TMEM253: variants seen among roughly 807,000 people sequenced by gnomAD.
The protein encoded by TMEM253 is transmembrane protein 253.
A neutral mutation model predicts 20.3 loss-of-function variants in TMEM253; 22 were observed. That is an observed-to-expected ratio of 1.08 (90% CI 0.78 to 1.55). The LOEUF (loss-of-function observed/expected upper bound fraction) is 1.55. TMEM253 is among the 40% of genes most tolerant of loss of function. The pLI is 0.00. For synonymous variants in TMEM253, 92 were observed against 102.6 expected (o/e 0.90, Z 0.62); for missense variants, 251 against 266.1 (o/e 0.94, Z 0.39).
exon 7 of TMEM253, chr14:21,103,565 A>C: frequency 3.3e-6 from 1 of 307,578 alleles, no homozygotes; most frequent in Non-Finnish European, 6.1e-6. Context: ...TCCACTCCAA[A>C]TCCCGGACCC....
exon 3 of TMEM253, chr14:21,101,921 C>G: frequency 6.4e-7 from 1 of 1,551,644 alleles, no homozygotes. Context: ...CAGTCGCCTG[C>G]CTGAACTCTG....
At chr14:21,102,156 T>C in intron 4 of TMEM253, 36 bp downstream of exon 4, 8 of 1,535,262 alleles carry the variant, frequency 5.2e-6, no homozygotes, top group Non-Finnish European at 7.0e-6. Context: ...GTCCTCCCAC[T>C]CCCTAAAACA....
chr14:21,102,761 C>G, exon 6 of TMEM253: 3 of 1,550,446 alleles, frequency 1.9e-6, no homozygotes, highest in Non-Finnish European at 2.6e-6. Context: ...AGAGTCTGCA[C>G]TATCAAGAGC....
At chr14:21,103,372 GC>G (rs1279628603) in exon 7 of TMEM253, 2 of 1,443,334 alleles carry the variant, frequency 1.4e-6, no homozygotes, top group African/African-American at 1.4e-5. Flanking sequence ...CTCAAAGCAG[GC>G]CCTTTTTTCG....
chr14:21,103,412 T>C, exon 7 of TMEM253: 3 of 1,264,612 alleles, frequency 2.4e-6, no homozygotes, highest in South Asian at 3.1e-5. Context: ...AAGATACACC[T>C]GGACGAGAAT....
chr14:21,100,369 T>TATAATAATAATAATAATA (rs3061999), upstream of TMEM253, among the ~76,000 whole-genome samples: 17 of 149,324 alleles, frequency 1.1e-4, no homozygotes, highest in Non-Finnish European at 1.9e-4. Context: ...GTCTCAATAA[T>TATAATAATAATAATAATA]ATAATAATAA....
chr14:21,103,303 A>T, exon 7 of TMEM253: 1 of 1,533,866 alleles, frequency 6.5e-7, no homozygotes, highest in Non-Finnish European at 8.8e-7. Context: ...CACCAAACTC[A>T]GAAGCTTGCT....
chr14:21,101,249 G>A, intron 1 of TMEM253, 59 bp from the exon 2 acceptor site: 1 of 1,159,322 alleles, frequency 8.6e-7, no homozygotes, highest in South Asian at 1.4e-5. Flanking sequence ...GTAGCTGAAA[G>A]ATACGTTGTT....
exon 6 of TMEM253, chr14:21,102,652 T>C (rs1257317911): frequency 1.3e-6 from 2 of 1,551,528 alleles, no homozygotes; most frequent in Admixed American, 3.9e-5. Flanking sequence ...TTGCTGGTGC[T>C]GGAACTCAGT....
intron 3 of TMEM253, 39 bp from the exon 4 acceptor site, chr14:21,102,025 C>A: frequency 6.4e-7 from 1 of 1,550,554 alleles, no homozygotes; most frequent in South Asian, 1.2e-5. Flanking sequence ...CCCTTCCTAA[C>A]GGGACCAGAG....
chr14:21,102,837 C>G, intron 6 of TMEM253, 58 bp downstream of exon 6: 1 of 1,526,318 alleles, frequency 6.6e-7, no homozygotes, highest in Non-Finnish European at 8.8e-7. Flanking sequence ...TTTCCACTGC[C>G]TATCCTGGTC....
chr14:21,102,114 T>C (rs745696), exon 4 of TMEM253: 1,063,451 of 1,550,272 alleles, frequency 0.69, 367,311 homozygotes, highest in African/African-American at 0.76. Context: ...CACCCCGCCT[T>C]TGGAAGGTGA....
At position 21,101,351 on chromosome 14, in the gene TMEM253, A is replaced by G; in HGVS notation, c.8A>G (p.Asp3Gly). 5.2e-6 allele frequency: 8 copies of G among 1,551,582 alleles called. No homozygotes were observed. The highest frequency in any genetic ancestry group is 7.0e-6 in the Non-Finnish European group (8 of 1,146,918). The stretch of plus-strand genomic sequence containing the variant: ...CTTGTGGGCAAAGGAGCCATGGAAG[A>G]TAGAGCTGGTGAGCAAGAGCAGGAG... The change falls in exon 2 of 7, where the codon GAT becomes GGT. Residue 3 changes from aspartate (D) to glycine (G), a missense_variant. Coordinates refer to ENST00000556585, the Ensembl canonical transcript of TMEM253.
At chr14:21,099,356 A>G (rs2139336942), upstream of TMEM253, among the ~76,000 whole-genome samples, 1 of 152,364 alleles carries the variant, frequency 6.6e-6, no homozygotes, top group Admixed American at 6.5e-5. Flanking sequence ...AGTGGCCTGC[A>G]GGCTCGGGGA....
exon 7 of TMEM253, chr14:21,103,591 C>T: frequency 3.8e-6 from 1 of 265,070 alleles, no homozygotes; most frequent in Non-Finnish European, 7.3e-6. Flanking sequence ...ACGCCAACTC[C>T]CTGAATCCAA....
At chr14:21,101,228 T>C (rs1889605060) in intron 1 of TMEM253, 44 bp downstream of exon 1, 1 of 901,800 alleles carries the variant, frequency 1.1e-6, no homozygotes, top group East Asian at 2.8e-5. Flanking sequence ...ATATTGGGAG[T>C]GGGCAGAGGT....
upstream of TMEM253, among the ~76,000 whole-genome samples, chr14:21,100,554 G>A (rs549622220): frequency 1.3e-5 from 2 of 152,142 alleles, no homozygotes; most frequent in South Asian, 2.1e-4. Context: ...TAGATAGATA[G>A]ATAATGTCCA....
At chr14:21,101,481 C>T (rs1472707950) in intron 2 of TMEM253, 30 bp downstream of exon 2, 1 of 1,533,230 alleles carries the variant, frequency 6.5e-7, no homozygotes, top group Non-Finnish European at 8.8e-7. Flanking sequence ...TCCCAGGTCT[C>T]AGCATGTCCA....
At chr14:21,100,266 T>A (rs1889546767), upstream of TMEM253, among the ~76,000 whole-genome samples, 1 of 152,142 alleles carries the variant, frequency 6.6e-6, no homozygotes, top group Admixed American at 6.5e-5. Context: ...CTTGGGAGAC[T>A]GAGGCAGGAT....
Sources: gnomAD v4.1 joint callset for allele counts (sites outside exome capture counted in the v4.1 genomes callset) on GRCh38, gnomAD v4.1.1 for gene constraint, MANE v1.5 for transcripts, NCBI Gene and HGNC (gene_info 2026-07-23, HGNC 2026-07-21) for gene names.